The following RBFOX1 variants were observed in gnomAD, a reference collection of about 807,000 sequenced individuals.
RBFOX1 encodes RNA binding fox-1 homolog 1.
RBFOX1 carries 8 observed loss-of-function variants against 57.7 expected under a neutral mutation model. The ratio of observed to expected loss-of-function variants is 0.14; its 90% confidence interval spans 0.08 to 0.25. RBFOX1 has a LOEUF of 0.25. Ranked by LOEUF, RBFOX1 falls within the 10% of genes least tolerant of loss-of-function variation. RBFOX1 has a pLI of 1.00. For synonymous variants in RBFOX1, 326 were observed against 222.4 expected, an observed-to-expected ratio of 1.47 and a Z score of -4.15; for missense variants, 611 against 548.5, an observed-to-expected ratio of 1.11 and a Z score of -1.14.
intron 3 of RBFOX1, among the ~76,000 whole-genome samples, chr16:6,877,242 C>T (rs575480989): frequency 1.3e-5 from 2 of 152,156 alleles, no homozygotes. Context: ...TCATAAATCC[C>T]ACATGTTGAC....
intron 1 of RBFOX1, among the ~76,000 whole-genome samples, chr16:6,249,274 C>G (rs2097587998): frequency 6.6e-6 from 1 of 152,142 alleles, no homozygotes; most frequent in Non-Finnish European, 1.5e-5. Flanking sequence ...TGACCATAAT[C>G]CCAGCACTTT....
At chr16:6,825,833 C>T (rs77241537) in intron 3 of RBFOX1, among the ~76,000 whole-genome samples, 1 of 152,162 alleles carries the variant, frequency 6.6e-6, no homozygotes, top group Non-Finnish European at 1.5e-5. Context: ...GAACTTGCAT[C>T]TTCCATCCGG....
At chr16:7,184,721 T>C (rs145135422) in intron 4 of RBFOX1, among the ~76,000 whole-genome samples, 207 of 152,296 alleles carry the variant, frequency 1.4e-3, no homozygotes, top group South Asian at 6.2e-4. Context: ...CTCTAAAAAT[T>C]TGGGGCAATG....
intron 2 of RBFOX1, among the ~76,000 whole-genome samples, chr16:5,501,859 G>A (rs2043208902): frequency 6.6e-6 from 1 of 151,948 alleles, no homozygotes; most frequent in East Asian, 1.9e-4. Flanking sequence ...GGGACTACAG[G>A]CATTTGTTAC....
At chr16:6,010,971 C>T (rs2094957787) in intron 4 of RBFOX1, among the ~76,000 whole-genome samples, 3 of 152,264 alleles carry the variant, frequency 2.0e-5, no homozygotes, top group African/African-American at 4.8e-5. Flanking sequence ...TATTTTACTT[C>T]TTGGAGCATC....
At chr16:6,324,370 AG>A (rs1341103440) in intron 2 of RBFOX1, among the ~76,000 whole-genome samples, 2 of 152,198 alleles carry the variant, frequency 1.3e-5, no homozygotes, top group African/African-American at 4.8e-5. Context: ...TAATTTATAA[AG>A]AAAAGATATT....
intron 1 of RBFOX1, among the ~76,000 whole-genome samples, chr16:6,181,467 A>T (rs1244516988): frequency 6.6e-6 from 1 of 152,132 alleles, no homozygotes; most frequent in Non-Finnish European, 1.5e-5. Flanking sequence ...GTCCACAAGG[A>T]TTATTGCTAT....
chr16:7,664,550 G>T (rs1362809739), intron 12 of RBFOX1, among the ~76,000 whole-genome samples: 1 of 152,094 alleles, frequency 6.6e-6, no homozygotes, highest in Non-Finnish European at 1.5e-5. Flanking sequence ...TATTCTGTGG[G>T]GTAGGGGGCT....
chr16:7,425,726 A>G (rs1465070670), intron 4 of RBFOX1, among the ~76,000 whole-genome samples: 1 of 152,164 alleles, frequency 6.6e-6, no homozygotes, highest in African/African-American at 2.4e-5. Context: ...TCTAGGGGGG[A>G]TAGAGACCCC....
intron 3 of RBFOX1, among the ~76,000 whole-genome samples, chr16:6,938,889 A>G (rs1288294709): frequency 2.0e-5 from 3 of 152,160 alleles, no homozygotes; most frequent in Admixed American, 2.0e-4. Context: ...CCGAGATTGC[A>G]CCACTGCACT....
chr16:6,914,091 C>A (rs78871680), intron 3 of RBFOX1, among the ~76,000 whole-genome samples: 31,590 of 152,012 alleles, frequency 0.21, 3,564 homozygotes, highest in Non-Finnish European at 0.26. Flanking sequence ...CTAATCTATC[C>A]AGTGCTAAAA....
At chr16:5,676,769 C>T (rs1195456112) in intron 3 of RBFOX1, among the ~76,000 whole-genome samples, 1 of 152,002 alleles carries the variant, frequency 6.6e-6, no homozygotes, top group African/African-American at 2.4e-5. Context: ...AGCTAAAGCA[C>T]GAGAATCCCT....
intron 4 of RBFOX1, among the ~76,000 whole-genome samples, chr16:7,259,829 A>ATG (rs2094846381): frequency 6.6e-6 from 1 of 152,166 alleles, no homozygotes; most frequent in Non-Finnish European, 1.5e-5. Flanking sequence ...GGATAATTTT[A>ATG]TGTGTGTGTA....
At chr16:5,738,354 A>T (rs2052653735) in intron 3 of RBFOX1, among the ~76,000 whole-genome samples, 1 of 151,908 alleles carries the variant, frequency 6.6e-6, no homozygotes. Context: ...AGTATAGCCC[A>T]GGTGCGGTGG....
In RBFOX1 at chr16:6,019,669, C is replaced by T. The variant is rs914548171; in HGVS notation, c.-450C>T. The T allele has an allele frequency of 6.9e-6, 9 of 1,305,026 alleles. No individual in the cohort carries two copies. In the African/African-American group the frequency reaches 7.7e-5, roughly 11 times the overall value. 80.8% of individuals were successfully genotyped at this position (1,305,026 alleles called of 1,614,324 possible). On this transcript the variant is annotated 5_prime_UTR_variant, in exon 1 of 16. Transcript: ENST00000550418. This position sits in a 1 kb window ranked among gnomAD's most constrained non-coding sequence, Gnocchi z 4.2. ...CAGCCGTGGGCCCCGCCCCGGCGTC[C>T]GGAGCAGGAGAACTCCGAGCTTCTT...
intron 1 of RBFOX1, among the ~76,000 whole-genome samples, chr16:6,217,416 A>T (rs892767517): frequency 6.6e-6 from 1 of 152,048 alleles, no homozygotes; most frequent in Non-Finnish European, 1.5e-5. Flanking sequence ...AGAATTGAGA[A>T]AACGTGATAA....
intron 2 of RBFOX1, among the ~76,000 whole-genome samples, chr16:6,380,539 C>T (rs1021878609): frequency 6.8e-6 from 1 of 147,114 alleles, no homozygotes; most frequent in Non-Finnish European, 1.5e-5. Context: ...AGTTGAAGTT[C>T]TGGGGGGAAA....
chr16:5,430,506 A>G (rs1296231458), intron 1 of RBFOX1, among the ~76,000 whole-genome samples: 1 of 152,138 alleles, frequency 6.6e-6, no homozygotes, highest in Non-Finnish European at 1.5e-5. Context: ...GGGTTGGGGA[A>G]GAGCACCCAG....
chr16:6,609,632 G>C (rs1484409756), intron 2 of RBFOX1, among the ~76,000 whole-genome samples: 2 of 152,134 alleles, frequency 1.3e-5, no homozygotes, highest in Non-Finnish European at 2.9e-5. Flanking sequence ...TGGATTAGCT[G>C]TTTGGGGGAA....
Sources: allele counts gnomAD v4.1 joint callset (sites outside exome capture counted in the v4.1 genomes callset), GRCh38; gene constraint gnomAD v4.1.1; non-coding constraint Gnocchi (gnomAD v3.1); transcripts MANE v1.5; gene names NCBI Gene and HGNC (gene_info 2026-07-23, HGNC 2026-07-21).